UBTD1: variants seen among roughly 807,000 people sequenced by gnomAD.
UBTD1 encodes the protein ubiquitin domain-containing protein 1.
In UBTD1, 19 loss-of-function variants were observed where a neutral mutation model predicts 21.7. The observed-to-expected ratio is 0.87, with a 90% confidence interval of 0.61 to 1.28. The LOEUF (loss-of-function observed/expected upper bound fraction) is 1.28. UBTD1 is among the 50% of genes most tolerant of loss of function. The pLI is 0.00. For synonymous variants in UBTD1, 116 were observed against 135.1 expected (o/e 0.86, Z 0.98); for missense variants, 282 against 315.1 (o/e 0.89, Z 0.80).
chr10:97,499,062 T>G lies in UBTD1; in HGVS notation c.-142T>G, dbSNP rs544082108. 647 of 936,432 alleles carry G rather than the reference T, an allele frequency of 6.9e-4. 13 individuals carry two copies. In the East Asian group the frequency reaches 0.019, roughly 27 times the overall value. The allele number at this position is 936,432 out of a possible 1,614,324, so 58.0% of individuals were successfully genotyped here. A position where few individuals can be genotyped will look rare whatever the true frequency, so the allele number is the denominator to read the frequency against. On this transcript the variant is annotated 5_prime_UTR_variant, in exon 1 of 3. Coordinates refer to ENST00000370664, the MANE Select transcript of UBTD1 (RefSeq NM_024954.5). Reference sequence around the variant, plus strand: ...CGCAAAGTTTTGGCGGAGCCATCGCTGGGGCTGAGCGCGCCCCCGGGGGGA... The same window carrying G: ...CGCAAAGTTTTGGCGGAGCCATCGCGGGGGCTGAGCGCGCCCCCGGGGGGA...
chr10:97,531,637 AG>A, intron 1 of UBTD1, among the ~76,000 whole-genome samples: 1 of 152,306 alleles, frequency 6.6e-6, no homozygotes, highest in East Asian at 1.9e-4. Context: ...TGGGTCATGG[AG>A]CCAGTCCCTG....
chr10:97,546,494 G>A (rs2135678010), intron 1 of UBTD1, among the ~76,000 whole-genome samples: 1 of 152,074 alleles, frequency 6.6e-6, no homozygotes, highest in South Asian at 2.1e-4. Flanking sequence ...GGAAGCTGAG[G>A]TGGGAGGATT....
At chr10:97,501,414 C>G (rs752072879) in intron 1 of UBTD1, among the ~76,000 whole-genome samples, 2 of 152,184 alleles carry the variant, frequency 1.3e-5, no homozygotes, top group African/African-American at 2.4e-5. Context: ...TGGCAAAACC[C>G]TGTCTCTACT....
intron 1 of UBTD1, among the ~76,000 whole-genome samples, chr10:97,519,158 C>T (rs1256074454): frequency 1.3e-5 from 2 of 152,228 alleles, no homozygotes; most frequent in African/African-American, 2.4e-5. Flanking sequence ...CAAATAATAA[C>T]GTGCTCAAAG....
At chr10:97,567,695 G>A (rs995840346) in intron 1 of UBTD1, among the ~76,000 whole-genome samples, 13 of 151,990 alleles carry the variant, frequency 8.6e-5, no homozygotes, top group South Asian at 2.1e-4. Context: ...CAATGGTAGC[G>A]TATGCTTTGC....
At chr10:97,521,979 T>C (rs1189534415) in intron 1 of UBTD1, among the ~76,000 whole-genome samples, 1 of 152,216 alleles carries the variant, frequency 6.6e-6, no homozygotes, top group Non-Finnish European at 1.5e-5. Flanking sequence ...ATGGTTAGCT[T>C]TGGATACAGA....
At chr10:97,545,391 T>TGG (rs531322524) in intron 1 of UBTD1, among the ~76,000 whole-genome samples, 4,501 of 62,324 alleles carry the variant, frequency 0.072, 151 homozygotes, top group East Asian at 0.17. Context: ...GGGGCTCGTG[T>TGG]GTGTGTGTGT....
chr10:97,564,530 A>G (rs1426765442), intron 1 of UBTD1, among the ~76,000 whole-genome samples: 2 of 152,136 alleles, frequency 1.3e-5, no homozygotes, highest in Middle Eastern at 3.2e-3. Flanking sequence ...AATTTCATCT[A>G]CATAATAAGA....
intron 1 of UBTD1, among the ~76,000 whole-genome samples, chr10:97,531,545 C>T (rs1468789021): frequency 6.6e-6 from 1 of 152,144 alleles, no homozygotes; most frequent in Admixed American, 6.5e-5. Context: ...GTCACCAAGC[C>T]CGGCCGACAT....
intron 1 of UBTD1, among the ~76,000 whole-genome samples, chr10:97,528,894 G>T (rs2040508982): frequency 6.7e-6 from 1 of 149,464 alleles, no homozygotes; most frequent in African/African-American, 2.5e-5. Context: ...GGCCGGGTGG[G>T]GGGCTGACCC....
intron 1 of UBTD1, among the ~76,000 whole-genome samples, chr10:97,548,553 T>G (rs1218176307): frequency 1.3e-5 from 2 of 152,200 alleles, no homozygotes; most frequent in African/African-American, 4.8e-5. Context: ...CCCAGCACTT[T>G]GAAAGGCCAA....
At chr10:97,567,624 A>G (rs1211946151) in intron 1 of UBTD1, among the ~76,000 whole-genome samples, 1 of 151,954 alleles carries the variant, frequency 6.6e-6, no homozygotes, top group South Asian at 2.1e-4. Flanking sequence ...ATGCCATTGC[A>G]CTCCAGCCTG....
chr10:97,504,989 G>A (rs1239996857), intron 1 of UBTD1, among the ~76,000 whole-genome samples: 1 of 152,164 alleles, frequency 6.6e-6, no homozygotes, highest in Non-Finnish European at 1.5e-5. Flanking sequence ...GTCCTAACCA[G>A]GCAGTAGCAC....
At chr10:97,551,242 A>G (rs1281288596) in intron 1 of UBTD1, among the ~76,000 whole-genome samples, 4 of 152,134 alleles carry the variant, frequency 2.6e-5, no homozygotes, top group African/African-American at 4.8e-5. Flanking sequence ...TCTCTGCTCA[A>G]TCACAAATGT....
intron 1 of UBTD1, among the ~76,000 whole-genome samples, chr10:97,503,149 C>T (rs1487232696): frequency 6.6e-6 from 1 of 152,130 alleles, no homozygotes; most frequent in African/African-American, 2.4e-5. Flanking sequence ...CTCCTGGCCT[C>T]AAGTAATCTT....
chr10:97,564,844 A>G (rs1423306030), intron 1 of UBTD1, among the ~76,000 whole-genome samples: 1 of 152,176 alleles, frequency 6.6e-6, no homozygotes, highest in African/African-American at 2.4e-5. Flanking sequence ...GATTACAGGC[A>G]TGAGCCACCA....
intron 1 of UBTD1, among the ~76,000 whole-genome samples, chr10:97,503,424 T>C (rs1319335944): frequency 6.6e-6 from 1 of 152,136 alleles, no homozygotes; most frequent in African/African-American, 2.4e-5. Flanking sequence ...CCCCAGCCAC[T>C]CCAGGGAGAG....
At chr10:97,568,887 G>A (rs1203187930) in intron 2 of UBTD1, among the ~76,000 whole-genome samples, 4 of 152,026 alleles carry the variant, frequency 2.6e-5, no homozygotes, top group Non-Finnish European at 5.9e-5. Flanking sequence ...GCAGTGGAGC[G>A]ATCTCGGCTC....
At chr10:97,504,570 CT>C (rs1259725460) in intron 1 of UBTD1, among the ~76,000 whole-genome samples, 4 of 152,160 alleles carry the variant, frequency 2.6e-5, no homozygotes, top group Non-Finnish European at 5.9e-5. Context: ...ATGTACCTCC[CT>C]TTCCTGTTTT....
Sources: gnomAD v4.1 joint callset for allele counts (sites outside exome capture counted in the v4.1 genomes callset) on GRCh38, gnomAD v4.1.1 for gene constraint, MANE v1.5 for transcripts, NCBI Gene and HGNC (gene_info 2026-07-23, HGNC 2026-07-21) for gene names.